Variants in TLN2 observed in about 807,000 individuals in gnomAD.
TLN2 encodes talin-2.
Under a neutral mutation model 294.7 loss-of-function variants are expected in TLN2, and 118 were observed. That is an observed-to-expected ratio of 0.40 (90% CI 0.34 to 0.47). TLN2 has a LOEUF of 0.47. Ranked by LOEUF, TLN2 falls within the 20% of genes least tolerant of loss-of-function variation. TLN2 has a pLI of 0.84. For synonymous variants in TLN2, 1,431 were observed against 1,304.5 expected, an observed-to-expected ratio of 1.10 and a Z score of -2.09; for missense variants, 3,083 against 3,282.2, an observed-to-expected ratio of 0.94 and a Z score of 1.48.
chr15:62,824,323 A>G (rs1020347235), intron 54 of TLN2, among the ~76,000 whole-genome samples: 1 of 152,192 alleles, frequency 6.6e-6, no homozygotes, highest in Non-Finnish European at 1.5e-5. Flanking sequence ...AACGGTTCCA[A>G]CCCATGTCTG....
Position 62,430,332 on chromosome 15 carries a change from A to AT in TLN2, c.-238+39648dup, listed in dbSNP as rs1202911430. Among the ~76,000 whole-genome samples the AT allele has an allele frequency of 3.3e-5, 5 of 152,342 alleles. No homozygotes were observed. The East Asian group carries it at 9.7e-4, about 29-fold the overall frequency. ...ATAGTGTATCTGTCTTATTGGGCCA[A>AT]TCATGGTTAAATTGAAGACATGGAA... On this transcript the variant is annotated intron_variant, in intron 1 of 58. Transcript: ENST00000636159.
intron 41 of TLN2, 44 bp from the exon 42 acceptor site, chr15:62,770,920 T>C (rs1339759959): frequency 1.3e-6 from 2 of 1,579,054 alleles, no homozygotes; most frequent in East Asian, 4.5e-5. Context: ...GAGACACGTG[T>C]ATTTACATGA....
At chr15:62,526,486 C>T (rs990655747) in intron 1 of TLN2, among the ~76,000 whole-genome samples, 1 of 152,316 alleles carries the variant, frequency 6.6e-6, no homozygotes, top group African/African-American at 2.4e-5. Context: ...CATCTCCTCA[C>T]AGTCCCTTCT....
intron 43 of TLN2, among the ~76,000 whole-genome samples, chr15:62,779,583 C>T (rs528580088): frequency 8.5e-5 from 13 of 152,362 alleles, no homozygotes; most frequent in Non-Finnish European, 1.5e-4. Flanking sequence ...CTGGTGGCCA[C>T]TGGCCAAGAA....
At chr15:62,441,967 T>C (rs909189566) in intron 1 of TLN2, among the ~76,000 whole-genome samples, 3 of 152,250 alleles carry the variant, frequency 2.0e-5, no homozygotes, top group African/African-American at 7.2e-5. Context: ...TCCATCTTTA[T>C]GCTTGGTAAT....
chr15:62,754,114 TTGAAA>T, intron 36 of TLN2, 198 bp downstream of exon 36: 1 of 709,766 alleles, frequency 1.4e-6, no homozygotes, highest in Non-Finnish European at 2.1e-6. Flanking sequence ...TGTAAGTGCC[TTGAAA>T]TGGGGTGCCA....
chr15:62,771,816 G>A (rs1205219251), intron 42 of TLN2, among the ~76,000 whole-genome samples: 4 of 152,228 alleles, frequency 2.6e-5, no homozygotes, highest in Admixed American at 6.5e-5. Context: ...CAGGGTGACA[G>A]GTCTCTTCCA....
intron 9 of TLN2, among the ~76,000 whole-genome samples, chr15:62,673,037 A>G (rs1194582303): frequency 6.7e-6 from 1 of 149,202 alleles, no homozygotes; most frequent in Non-Finnish European, 1.5e-5. Context: ...TATATGTAAC[A>G]TCCTACTTAT....
intron 1 of TLN2, among the ~76,000 whole-genome samples, chr15:62,437,914 T>C (rs894118970): frequency 1.3e-5 from 2 of 152,182 alleles, no homozygotes; most frequent in African/African-American, 4.8e-5. Flanking sequence ...CAACTGGCAA[T>C]GCAACGGATT....
At chr15:62,630,386 C>T (rs1434167742) in intron 3 of TLN2, among the ~76,000 whole-genome samples, 1 of 152,184 alleles carries the variant, frequency 6.6e-6, no homozygotes, top group Non-Finnish European at 1.5e-5. Context: ...TGAATGAGGA[C>T]TTGACTCCCT....
chr15:62,454,313 G>A (rs979188015), intron 1 of TLN2, among the ~76,000 whole-genome samples: 4 of 152,034 alleles, frequency 2.6e-5, no homozygotes, highest in East Asian at 1.9e-4. Context: ...GGGGCACTTC[G>A]GGACCCCAAG....
intron 1 of TLN2, among the ~76,000 whole-genome samples, chr15:62,431,334 T>A (rs1450687575): frequency 2.0e-5 from 3 of 152,212 alleles, no homozygotes; most frequent in Non-Finnish European, 4.4e-5. Flanking sequence ...GAATCTGAGA[T>A]GAGAGCAGCA....
At chr15:62,524,487 CTG>C (rs1286135318) in intron 1 of TLN2, among the ~76,000 whole-genome samples, 2 of 152,196 alleles carry the variant, frequency 1.3e-5, no homozygotes, top group African/African-American at 4.8e-5. Context: ...GCAAGCGAGA[CTG>C]TGTCCCCTGG....
chr15:62,654,754 CAAAAAAAAAA>C (rs59006343), intron 7 of TLN2, among the ~76,000 whole-genome samples: 9 of 33,854 alleles, frequency 2.7e-4, no homozygotes, highest in African/African-American at 5.9e-4. Context: ...GACTCTGCCT[CAAAAAAAAAA>C]AAAAAAAAAA....
intron 1 of TLN2, among the ~76,000 whole-genome samples, chr15:62,470,154 C>T (rs2037384926): frequency 6.6e-6 from 1 of 152,208 alleles, no homozygotes; most frequent in Non-Finnish European, 1.5e-5. Context: ...ACTGAGACTG[C>T]ACATAAGTGG....
intron 9 of TLN2, among the ~76,000 whole-genome samples, chr15:62,671,451 T>C (rs1236068299): frequency 6.6e-6 from 1 of 152,220 alleles, no homozygotes; most frequent in Admixed American, 6.5e-5. Context: ...GAGTTAATTC[T>C]AGTGTATGGT....
chr15:62,758,686 A>G (rs1428834111), intron 37 of TLN2: 1 of 152,166 alleles, frequency 6.6e-6, no homozygotes, highest in Non-Finnish European at 1.5e-5. Flanking sequence ...GGTCATCCCT[A>G]TGTTTGGATT....
intron 7 of TLN2, among the ~76,000 whole-genome samples, chr15:62,654,016 G>C (rs1319509265): frequency 1.3e-5 from 2 of 152,180 alleles, no homozygotes; most frequent in African/African-American, 2.4e-5. Context: ...GAAGGATTCA[G>C]TCAAGCTAAT....
rs71129016 is a variant in TLN2, at chr15:62,620,837, C to CT, written c.-37+2383dup. Among the ~76,000 whole-genome samples the CT allele has an allele frequency of 5.4e-3, 357 of 66,390 alleles. 4 individuals are homozygous for CT. Among genetic ancestry groups the CT allele is most frequent in the East Asian group, 0.03 (67 of 2,200 alleles). 43.6% of individuals were successfully genotyped at this position (66,390 alleles called of 152,430 possible). ...GCTTCTTTTTTTTTTCTTTCTTTTT[C>CT]TTTTTTTTTTTTTTTTTTTTTCTGA... On this transcript the variant is annotated intron_variant, in intron 3 of 58. Coordinates refer to ENST00000636159, the MANE Select transcript of TLN2 (RefSeq NM_015059.3).
Sources: gnomAD v4.1 joint callset for allele counts (sites outside exome capture counted in the v4.1 genomes callset) on GRCh38, gnomAD v4.1.1 for gene constraint, MANE v1.5 for transcripts, NCBI Gene and HGNC (gene_info 2026-07-23, HGNC 2026-07-21) for gene names.